Variants in CACNG2 observed in about 807,000 individuals in gnomAD.
The protein encoded by CACNG2 is voltage-dependent calcium channel gamma-2 subunit.
CACNG2 carries 3 observed loss-of-function variants against 25.9 expected under a neutral mutation model. That is an observed-to-expected ratio of 0.12 (90% CI 0.05 to 0.30). CACNG2 has a LOEUF of 0.30. Among genes scored for constraint, CACNG2 ranks in the 10% least tolerant of loss-of-function variants. The pLI, the probability that CACNG2 is intolerant of heterozygous loss-of-function variation, is 1.00. For synonymous variants in CACNG2, 167 were observed against 173.3 expected (o/e 0.96, Z 0.29); for missense variants, 341 against 432.5 (o/e 0.79, Z 1.88).
At chr22:36,573,344 T>A (rs1170903415) in intron 2 of CACNG2, among the ~76,000 whole-genome samples, 2 of 148,854 alleles carry the variant, frequency 1.3e-5, no homozygotes, top group Admixed American at 6.6e-5. Flanking sequence ...TATTATTATT[T>A]TTTTGAGACA....
chr22:36,610,656 G>C (rs1935925880), intron 1 of CACNG2, among the ~76,000 whole-genome samples: 1 of 152,230 alleles, frequency 6.6e-6, no homozygotes, highest in African/African-American at 2.4e-5. Context: ...CCACAGAGAA[G>C]CAGATGAGAA....
At chr22:36,576,776 C>A (rs544122300) in intron 2 of CACNG2, among the ~76,000 whole-genome samples, 215 of 152,276 alleles carry the variant, frequency 1.4e-3, no homozygotes, top group African/African-American at 4.9e-3. Flanking sequence ...CTGTGCCTTG[C>A]CTTTCCCATC....
intron 2 of CACNG2, among the ~76,000 whole-genome samples, chr22:36,569,940 C>T (rs574130060): frequency 3.3e-5 from 5 of 152,168 alleles, no homozygotes; most frequent in Non-Finnish European, 5.9e-5. Context: ...AGAAAGAGGT[C>T]GGTGTGGCTT....
At chr22:36,575,857 T>C (rs186501860) in intron 2 of CACNG2, among the ~76,000 whole-genome samples, 1 of 152,342 alleles carries the variant, frequency 6.6e-6, no homozygotes, top group Non-Finnish European at 1.5e-5. Flanking sequence ...GTTATGCTCT[T>C]ATCCCATCTG....
At chr22:36,700,413 A>G (rs933814066) in intron 1 of CACNG2, among the ~76,000 whole-genome samples, 9 of 152,266 alleles carry the variant, frequency 5.9e-5, no homozygotes, top group African/African-American at 2.2e-4. Flanking sequence ...ACAGATTTAG[A>G]AAAGTATATT....
At chr22:36,619,032 A>G (rs966766609) in intron 1 of CACNG2, among the ~76,000 whole-genome samples, 1 of 152,276 alleles carries the variant, frequency 6.6e-6, no homozygotes, top group African/African-American at 2.4e-5. Context: ...CATGTCTGGC[A>G]CTTTCCATAA....
At chr22:36,577,518 C>T (rs933356584) in intron 2 of CACNG2, among the ~76,000 whole-genome samples, 63 of 151,934 alleles carry the variant, frequency 4.1e-4, no homozygotes, top group Non-Finnish European at 2.8e-4. Flanking sequence ...GGCGTGGTGG[C>T]GCAGGCCCGT....
At chr22:36,651,051 C>T (rs552797410) in intron 1 of CACNG2, among the ~76,000 whole-genome samples, 42 of 152,168 alleles carry the variant, frequency 2.8e-4, no homozygotes, top group Non-Finnish European at 4.9e-4. Flanking sequence ...CATTCTAGTC[C>T]ACTTTCCTGA....
rs1936030768 is a variant in CACNG2, at chr22:36,616,959, C to T, written c.212-29411G>A. Among the ~76,000 whole-genome samples the T allele has an allele frequency of 5.3e-5, 8 of 152,262 alleles. No individual in the cohort carries two copies. In the South Asian group the frequency reaches 1.5e-3, roughly 28 times the overall value. On this transcript the variant is annotated intron_variant, in intron 1 of 3. Coordinates refer to ENST00000300105, the MANE Select transcript of CACNG2 (RefSeq NM_006078.5). ...ACCATCCCTTCCCTCAAGAATCACA[C>T]AGGCCAGGAAAGGGACACAGACATT... is the stretch of plus-strand genomic sequence containing the variant.
chr22:36,700,213 A>G (rs1266379413), intron 1 of CACNG2, among the ~76,000 whole-genome samples: 1 of 152,240 alleles, frequency 6.6e-6, no homozygotes, highest in Non-Finnish European at 1.5e-5. Context: ...GGGAGTGTGC[A>G]GCTTGGAGAG....
At chr22:36,682,919 A>G (rs1300740581) in intron 1 of CACNG2, among the ~76,000 whole-genome samples, 1 of 152,186 alleles carries the variant, frequency 6.6e-6, no homozygotes, top group East Asian at 1.9e-4. Flanking sequence ...ATTTAAAAAA[A>G]ATCTTCCTTT....
intron 2 of CACNG2, among the ~76,000 whole-genome samples, chr22:36,578,489 G>A (rs1280513711): frequency 6.6e-6 from 1 of 152,180 alleles, no homozygotes; most frequent in Non-Finnish European, 1.5e-5. Flanking sequence ...GTTCACGGGA[G>A]GCTCAGAGAA....
chr22:36,687,515 G>A (rs1937216378), intron 1 of CACNG2, among the ~76,000 whole-genome samples: 1 of 152,182 alleles, frequency 6.6e-6, no homozygotes, highest in Non-Finnish European at 1.5e-5. Context: ...TTCCAGGTGT[G>A]CTGTTCTGAG....
At chr22:36,656,084 A>G (rs969193959) in intron 1 of CACNG2, among the ~76,000 whole-genome samples, 1 of 152,164 alleles carries the variant, frequency 6.6e-6, no homozygotes, top group African/African-American at 2.4e-5. Context: ...CTGGAATTAC[A>G]GGCATGAGTC....
chr22:36,619,531 C>T (rs559983774), intron 1 of CACNG2, among the ~76,000 whole-genome samples: 1 of 152,320 alleles, frequency 6.6e-6, no homozygotes, highest in South Asian at 2.1e-4. Flanking sequence ...CTCTGTTTGT[C>T]TGCTAATGTT....
chr22:36,666,831 C>A (rs1348725993), intron 1 of CACNG2, among the ~76,000 whole-genome samples: 1 of 152,048 alleles, frequency 6.6e-6, no homozygotes, highest in Non-Finnish European at 1.5e-5. Context: ...GTTTCTCTAT[C>A]ACGGCCACCT....
Position 36,562,184 on chromosome 22 carries a change from T to G in CACNG2, c.*2167A>C, listed in dbSNP as rs1389307952. 1 of 152,522 alleles carries G rather than the reference T, an allele frequency of 6.6e-6. No individual in the cohort carries two copies. The highest frequency in any genetic ancestry group is 1.5e-5 in the Non-Finnish European group (1 of 68,692). The allele number at this position is 152,522 out of a possible 1,614,324, so 9.4% of individuals were successfully genotyped here. A position where few individuals can be genotyped will look rare whatever the true frequency, so the allele number is the denominator to read the frequency against. On this transcript the variant is annotated 3_prime_UTR_variant, in exon 4 of 4. Transcript: ENST00000300105. ...GGGGGCAGGTGTTCGGGGAGCACAG[T>G]GAGGAGGTATATGGTGTGTGTGTGT...
chr22:36,683,972 C>T (rs1009829120), intron 1 of CACNG2, among the ~76,000 whole-genome samples: 1 of 152,182 alleles, frequency 6.6e-6, no homozygotes, highest in Non-Finnish European at 1.5e-5. Context: ...ACAGTCCAGG[C>T]GACTTCTGTG....
chr22:36,679,202 CTTTCTTTCTTTCTTT>C (rs1937061250), intron 1 of CACNG2, among the ~76,000 whole-genome samples: 2 of 66,162 alleles, frequency 3.0e-5, no homozygotes, highest in African/African-American at 8.5e-5. Flanking sequence ...TCCTTCCTTT[CTTTCTTTCTTTCTTT>C]CTTTCTTTCT....
Sources: allele counts gnomAD v4.1 joint callset (sites outside exome capture counted in the v4.1 genomes callset), GRCh38; gene constraint gnomAD v4.1.1; transcripts MANE v1.5; gene names NCBI Gene and HGNC (gene_info 2026-07-23, HGNC 2026-07-21).